Variants in BMP8A observed in about 807,000 individuals in gnomAD.
The protein encoded by BMP8A is bone morphogenetic protein 8a.
In BMP8A, 14 loss-of-function variants were observed where a neutral mutation model predicts 36.8. The ratio of observed to expected loss-of-function variants is 0.38; its 90% confidence interval spans 0.25 to 0.60. The LOEUF (loss-of-function observed/expected upper bound fraction) is 0.60. Among genes scored for constraint, BMP8A ranks in the 20% least tolerant of loss-of-function variants. BMP8A has a pLI of 0.63. For missense variants in BMP8A, 267 were observed against 551.1 expected (o/e 0.48, Z 5.16); for synonymous variants, 120 against 237.7 (o/e 0.50, Z 4.55).
At chr1:39,507,373 A>C (rs1229903736) in intron 1 of BMP8A, among the ~76,000 whole-genome samples, 1 of 152,192 alleles carries the variant, frequency 6.6e-6, no homozygotes, top group East Asian at 1.9e-4. Context: ...TGGACCCTCA[A>C]ATCAGCAGCC....
chr1:39,493,648 A>G (rs144215944), intron 1 of BMP8A, among the ~76,000 whole-genome samples: 7,533 of 152,066 alleles, frequency 0.05, 445 homozygotes, highest in African/African-American at 0.15. Context: ...CGAGCAGCAG[A>G]AGGCAGCCAT....
intron 1 of BMP8A, among the ~76,000 whole-genome samples, chr1:39,492,749 G>A (rs1325313866): frequency 1.3e-5 from 2 of 152,210 alleles, no homozygotes; most frequent in Non-Finnish European, 2.9e-5. Context: ...TCACATCATC[G>A]GAGTGACCAG....
intron 1 of BMP8A, among the ~76,000 whole-genome samples, chr1:39,502,442 C>G (rs1162407541): frequency 6.6e-6 from 1 of 152,110 alleles, no homozygotes; most frequent in Admixed American, 6.5e-5. Flanking sequence ...AGTGAGCAAC[C>G]CAGTGCCCAA....
chr1:39,523,251 A>C, intron 6 of BMP8A, 134 bp downstream of exon 6: 1 of 1,073,866 alleles, frequency 9.3e-7, no homozygotes, highest in Non-Finnish European at 1.4e-6. Context: ...CAGAGTCAGT[A>C]ACGTCGCTAA....
chr1:39,495,388 CAG>C, intron 1 of BMP8A, among the ~76,000 whole-genome samples: 1 of 151,454 alleles, frequency 6.6e-6, no homozygotes. Context: ...GGGCTGGGGT[CAG>C]AGCCGGGGCC....
chr1:39,528,119 G>A lies in BMP8A; in HGVS notation c.*2321G>A, dbSNP rs552530577. 6.6e-5 allele frequency among the ~76,000 whole-genome samples: 10 copies of A among 152,332 alleles called. No individual in the cohort carries two copies. The highest frequency in any genetic ancestry group is 1.3e-4 in the Admixed American group (2 of 15,300). ...TTTGTGAAATGAATGTTTTCAAGAC[G>A]CAAACGCTGCTATGCCCATCAGGTG... is the stretch of plus-strand genomic sequence containing the variant. On this transcript the variant is annotated 3_prime_UTR_variant, in exon 7 of 7. Transcript: ENST00000331593.
At position 39,506,674 on chromosome 1, in the gene BMP8A, G is replaced by A. The variant is rs112492964; in HGVS notation, c.335-4500G>A. Among the ~76,000 whole-genome samples the A allele has an allele frequency of 5.3e-3, 813 of 152,094 alleles. 5 individuals carry two copies. Among genetic ancestry groups the A allele is most frequent in the African/African-American group, 0.018 (749 of 41,468 alleles). ...AAATCAAGTTAAAAACATAAATAAG[G>A]CAGCCCCCACACTCCCTGCATTATT... On this transcript the variant is annotated intron_variant, in intron 1 of 6. Coordinates refer to ENST00000331593, the MANE Select transcript of BMP8A (RefSeq NM_181809.4).
At chr1:39,505,894 G>T (rs965765024) in intron 1 of BMP8A, among the ~76,000 whole-genome samples, 1 of 151,314 alleles carries the variant, frequency 6.6e-6, no homozygotes, top group African/African-American at 2.4e-5. Flanking sequence ...GCTGAAGTGG[G>T]AGGATCACCT....
chr1:39,510,852 G>C (rs1645347406), intron 1 of BMP8A, among the ~76,000 whole-genome samples: 1 of 152,222 alleles, frequency 6.6e-6, no homozygotes, highest in African/African-American at 2.4e-5. Context: ...GCTCCCTCCT[G>C]TCTCATCTCT....
intron 1 of BMP8A, among the ~76,000 whole-genome samples, chr1:39,495,353 G>A (rs1373873578): frequency 1.3e-5 from 2 of 151,978 alleles, no homozygotes; most frequent in Non-Finnish European, 2.9e-5. Flanking sequence ...GCGTCCTGAT[G>A]TTCAGAGCCT....
At chr1:39,504,529 A>G (rs1645282523) in intron 1 of BMP8A, among the ~76,000 whole-genome samples, 1 of 152,196 alleles carries the variant, frequency 6.6e-6, no homozygotes, top group South Asian at 2.1e-4. Flanking sequence ...TGCCACCAGC[A>G]TGTCTCAGTC....
At chr1:39,508,250 CAAAAAAAA>C (rs59060705) in intron 1 of BMP8A, among the ~76,000 whole-genome samples, 3 of 136,812 alleles carry the variant, frequency 2.2e-5, no homozygotes, top group Non-Finnish European at 3.2e-5. Flanking sequence ...GACTCCGTCT[CAAAAAAAA>C]AAAAAAGAAA....
rs1373710633 is a variant in BMP8A at position 39,524,953 on chromosome 1, C to T, written c.1060-696C>T. ...GCGAAAGGAGTCATCCAGGAGGCCT[C>T]CCAGGCGGGAGCTATGATGTCAGGG... On this transcript the variant is annotated intron_variant, in intron 6 of 6. Coordinates refer to ENST00000331593, the MANE Select transcript of BMP8A (RefSeq NM_181809.4). This position sits in a 1 kb window ranked among gnomAD's most constrained non-coding sequence, Gnocchi z 4.0. 1 of 152,476 alleles carries T rather than the reference C, an allele frequency of 6.6e-6. No homozygotes were observed. The highest frequency in any genetic ancestry group is 2.4e-5 in the African/African-American group (1 of 41,412). The allele number at this position is 152,476 out of a possible 1,614,324, so 9.4% of individuals were successfully genotyped here. A position where few individuals can be genotyped will look rare whatever the true frequency, so the allele number is the denominator to read the frequency against.
chr1:39,529,703 TTCCAG>T lies in BMP8A; in HGVS notation c.*3908_*3912del, dbSNP rs1434126011. Among the ~76,000 whole-genome samples the T allele has an allele frequency of 6.6e-6, 1 of 152,256 alleles. No individual in the cohort carries two copies. Among genetic ancestry groups the T allele is most frequent in the Non-Finnish European group, 1.5e-5 (1 of 68,034 alleles). ...AGAGATAACCACTGTTCATAATTCC[TTCCAG>T]TCTTCTTACTTGGCACATATACATT... On this transcript the variant is annotated 3_prime_UTR_variant, in exon 7 of 7. Transcript: ENST00000331593.
chr1:39,494,352 CTT>C (rs573186363), intron 1 of BMP8A, among the ~76,000 whole-genome samples: 19 of 118,236 alleles, frequency 1.6e-4, no homozygotes, highest in East Asian at 2.2e-4. Context: ...TTTCTTTTTT[CTT>C]TTTTTTTTTT....
At chr1:39,496,949 T>C (rs1447066147) in intron 1 of BMP8A, among the ~76,000 whole-genome samples, 5 of 152,206 alleles carry the variant, frequency 3.3e-5, no homozygotes, top group Non-Finnish European at 1.5e-5. Context: ...GGGAGCCCCA[T>C]TCCTACCAGA....
rs1355382107 is a variant in BMP8A at position 39,528,449 on chromosome 1, G to A, written c.*2651G>A. Among the ~76,000 whole-genome samples, 1 of 152,202 alleles carries A rather than the reference G, an allele frequency of 6.6e-6. No individual in the cohort carries two copies. Among genetic ancestry groups the A allele is most frequent in the Non-Finnish European group, 1.5e-5 (1 of 68,026 alleles). On this transcript the variant is annotated 3_prime_UTR_variant, in exon 7 of 7. Coordinates refer to ENST00000331593, the MANE Select transcript of BMP8A (RefSeq NM_181809.4). ...AGCTCAGGCCCACTGGCTGCAACAA[G>A]TAGCCACTGACAGGGAGTCTGGGGC...
At chr1:39,511,934 GC>G in intron 3 of BMP8A, 30 bp downstream of exon 3, 1 of 818,444 alleles carries the variant, frequency 1.2e-6, no homozygotes, top group Non-Finnish European at 1.9e-6. Context: ...AGCCCCTGGG[GC>G]TTCTCTGTGC....
chr1:39,497,704 T>C (rs1263527499), intron 1 of BMP8A, among the ~76,000 whole-genome samples: 1 of 152,086 alleles, frequency 6.6e-6, no homozygotes, highest in Middle Eastern at 3.2e-3. Flanking sequence ...CAGCAACCCC[T>C]GAACAACCTG....
Sources: gnomAD v4.1 joint callset for allele counts (sites outside exome capture counted in the v4.1 genomes callset) on GRCh38, gnomAD v4.1.1 for gene constraint, Gnocchi (gnomAD v3.1) non-coding constraint, MANE v1.5 for transcripts, NCBI Gene and HGNC (gene_info 2026-07-23, HGNC 2026-07-21) for gene names.